CASK: variants seen among roughly 807,000 people sequenced by gnomAD.
CASK encodes calcium/calmodulin dependent serine protein kinase, also known as peripheral plasma membrane protein CASK.
CASK carries 4 observed loss-of-function variants against 82.9 expected under a neutral mutation model. The observed-to-expected ratio is 0.05, with a 90% CI of 0.02 to 0.11. The LOEUF (loss-of-function observed/expected upper bound fraction) is 0.11. Among genes scored for constraint, CASK ranks in the 10% least tolerant of loss-of-function variants. The probability of loss-of-function intolerance (pLI) is 1.00; values close to 1 mark genes in which losing one functional copy is unlikely to be tolerated. For missense variants in CASK, 358 were observed against 720.9 expected, an observed-to-expected ratio of 0.50 and a Z score of 5.76; for synonymous variants, 259 against 253.5, an observed-to-expected ratio of 1.02 and a Z score of -0.20.
At chrX:41,847,844 T>C (rs894105416) in intron 2 of CASK, among the ~76,000 whole-genome samples, 1 of 111,957 alleles carries the variant, frequency 8.9e-6, no homozygotes, top group Non-Finnish European at 1.9e-5. Flanking sequence ...GTGTAGGGCA[T>C]ACCTTCAACA....
At chrX:41,645,799 T>C (rs1050519648) in intron 8 of CASK, among the ~76,000 whole-genome samples, 1 of 111,551 alleles carries the variant, frequency 9.0e-6, no homozygotes, top group Non-Finnish European at 1.9e-5. Flanking sequence ...TTAATGATTC[T>C]CCTCCTTATA....
At chrX:41,647,673 T>C (rs761477061) in intron 8 of CASK, among the ~76,000 whole-genome samples, 1 of 111,847 alleles carries the variant, frequency 8.9e-6, no homozygotes, top group Non-Finnish European at 1.9e-5. Context: ...GCTGAAACCA[T>C]GGCAGAAAAA....
chrX:41,873,522 C>T (rs2071746350), intron 1 of CASK, among the ~76,000 whole-genome samples: 1 of 111,274 alleles, frequency 9.0e-6, no homozygotes, highest in Non-Finnish European at 1.9e-5. Context: ...CCAGCTATAA[C>T]AGAGAAGAAA....
intron 5 of CASK, among the ~76,000 whole-genome samples, chrX:41,712,259 C>T (rs1368616714): frequency 8.9e-6 from 1 of 112,291 alleles, no homozygotes; most frequent in Non-Finnish European, 1.9e-5. Context: ...ATGCAACTCC[C>T]GGGGAGTTGG....
chrX:41,587,594 T>G (rs1324600129), intron 13 of CASK: 1 of 112,205 alleles, frequency 8.9e-6, no homozygotes, highest in Non-Finnish European at 1.9e-5. Context: ...CTCTTAGGGT[T>G]AAATGCCAGG....
Position 41,520,368 on chromosome X carries a change from C to G in CASK, c.*52G>C. 9.5e-7 allele frequency: 1 copy of G among 1,048,850 alleles called. No homozygotes were observed. The highest frequency in any genetic ancestry group is 3.5e-4 in the Middle Eastern group (1 of 2,875). 86.4% of individuals were successfully genotyped at this position (1,048,850 alleles called of 1,213,427 possible). On this transcript the variant is annotated 3_prime_UTR_variant, in exon 27 of 27. Coordinates refer to ENST00000378163, the MANE Select transcript of CASK (RefSeq NM_001367721.1). ...TGACACAAGGCCGATAACAAAGAGG[C>G]TTTTCCACAAATGAGGTGCTCCCAG...
At chrX:41,764,694 C>A (rs918980269) in intron 3 of CASK, among the ~76,000 whole-genome samples, 9 of 111,802 alleles carry the variant, frequency 8.0e-5, no homozygotes, top group African/African-American at 2.9e-4. Flanking sequence ...TTGCTCTCTG[C>A]TGACACTGAT....
chrX:41,836,801 T>C (rs1321938983), intron 2 of CASK, among the ~76,000 whole-genome samples: 1 of 111,960 alleles, frequency 8.9e-6, no homozygotes, highest in Admixed American at 9.5e-5. Context: ...AAGCAAATGA[T>C]GACACTAAGA....
At chrX:41,738,287 C>A (rs996877420) in intron 5 of CASK, among the ~76,000 whole-genome samples, 1 of 112,790 alleles carries the variant, frequency 8.9e-6, no homozygotes, top group Non-Finnish European at 1.9e-5. Flanking sequence ...AATACTTTTT[C>A]ATAAAGGGGG....
At chrX:41,535,490 CAG>C (rs2064861809) in intron 22 of CASK, among the ~76,000 whole-genome samples, 1 of 109,860 alleles carries the variant, frequency 9.1e-6, no homozygotes, top group Non-Finnish European at 1.9e-5. Context: ...TTTCTTTCAA[CAG>C]AGTTGATGAA....
chrX:41,647,261 C>T (rs910743305), intron 8 of CASK, among the ~76,000 whole-genome samples: 1 of 112,387 alleles, frequency 8.9e-6, no homozygotes, highest in African/African-American at 3.2e-5. Flanking sequence ...TGCATCACCC[C>T]GTATTCCTAT....
At chrX:41,539,795 G>GGAA (rs1311793136) in intron 22 of CASK, among the ~76,000 whole-genome samples, 2 of 112,163 alleles carry the variant, frequency 1.8e-5, no homozygotes, top group Non-Finnish European at 3.8e-5. Context: ...TGAACAAAAT[G>GGAA]GAAGAGTTGG....
chrX:41,888,513 T>G (rs2072088496), intron 1 of CASK, among the ~76,000 whole-genome samples: 1 of 109,134 alleles, frequency 9.2e-6, no homozygotes, highest in Admixed American at 1.0e-4. Flanking sequence ...ATACAATGTT[T>G]GGTTTTCCAT....
In CASK at chrX:41,589,722, T is replaced by C. The variant is rs767307656; in HGVS notation, c.1156-130A>G. The stretch of plus-strand genomic sequence containing the variant: ...CAGGCTGATGATTTCAGTGGGATCC[T>C]CTTGGTAATAACCTCTGAATTGTTC... On this transcript the variant is annotated intron_variant, in intron 12 of 26. Coordinates refer to ENST00000378163, the MANE Select transcript of CASK (RefSeq NM_001367721.1). 1.3e-4 allele frequency: 66 copies of C among 502,931 alleles called. No individual in the cohort carries two copies. The South Asian group carries it at 1.7e-3, about 13-fold the overall frequency. The allele number at this position is 502,931 out of a possible 1,213,427, so 41.4% of individuals were successfully genotyped here. A position where few individuals can be genotyped will look rare whatever the true frequency, so the allele number is the denominator to read the frequency against.
intron 3 of CASK, among the ~76,000 whole-genome samples, chrX:41,769,455 G>A (rs779514742): frequency 9.0e-6 from 1 of 110,667 alleles, no homozygotes; most frequent in African/African-American, 3.3e-5. Flanking sequence ...GAGAATTCAA[G>A]AGAATCTGAT....
chrX:41,668,523 T>C (rs1021811763), intron 6 of CASK, among the ~76,000 whole-genome samples: 2 of 111,649 alleles, frequency 1.8e-5, no homozygotes, highest in African/African-American at 6.5e-5. Flanking sequence ...ATTGTAGTTA[T>C]TTTCTAGGTT....
intron 5 of CASK, among the ~76,000 whole-genome samples, chrX:41,706,966 C>CT (rs2067896840): frequency 8.9e-6 from 1 of 112,329 alleles, no homozygotes; most frequent in African/African-American, 3.2e-5. Flanking sequence ...ACTACGAACT[C>CT]TGAGATACAC....
At chrX:41,667,262 G>A (rs756138551) in intron 6 of CASK, among the ~76,000 whole-genome samples, 1 of 111,771 alleles carries the variant, frequency 8.9e-6, no homozygotes, top group South Asian at 3.7e-4. Context: ...TAGAAAGAAT[G>A]TAGAGGAAGG....
At chrX:41,718,752 G>A (rs910654393) in intron 5 of CASK, among the ~76,000 whole-genome samples, 3 of 112,040 alleles carry the variant, frequency 2.7e-5, no homozygotes, top group African/African-American at 9.7e-5. Flanking sequence ...GGCCAAAAGC[G>A]CTTTCATAGA....
Sources: allele counts gnomAD v4.1 joint callset (sites outside exome capture counted in the v4.1 genomes callset), GRCh38; gene constraint gnomAD v4.1.1; transcripts MANE v1.5; gene names NCBI Gene and HGNC (gene_info 2026-07-23, HGNC 2026-07-21).